Variants in AIFM1 observed in about 807,000 individuals in gnomAD.
AIFM1 encodes the protein apoptosis-inducing factor 1, mitochondrial.
In AIFM1, 3 loss-of-function variants were observed where a neutral mutation model predicts 51.7. The observed-to-expected ratio is 0.06, with a 90% CI of 0.03 to 0.15. The LOEUF is 0.15. Among genes scored for constraint, AIFM1 ranks in the 10% least tolerant of loss-of-function variants. The probability of loss-of-function intolerance (pLI) is 1.00; values close to 1 mark genes in which losing one functional copy is unlikely to be tolerated. For synonymous variants in AIFM1, 178 were observed against 179.4 expected, an observed-to-expected ratio of 0.99 and a Z score of 0.06; for missense variants, 330 against 476.8, an observed-to-expected ratio of 0.69 and a Z score of 2.87.
intron 3 of AIFM1, among the ~76,000 whole-genome samples, chrX:130,148,434 G>A (rs1018887580): frequency 8.9e-6 from 1 of 112,004 alleles, no homozygotes; most frequent in Non-Finnish European, 1.9e-5. Flanking sequence ...AAATGGAAGT[G>A]ATGGCTAGGG....
intron 9 of AIFM1, among the ~76,000 whole-genome samples, chrX:130,138,333 CAGGCGCCTGT>C (rs2030445821): frequency 9.1e-6 from 1 of 110,376 alleles, no homozygotes; most frequent in Non-Finnish European, 1.9e-5. Flanking sequence ...GGCGTGGTTA[CAGGCGCCTGT>C]AGTCCCAGCT....
At chrX:130,154,827 T>C (rs2031109204) in intron 2 of AIFM1, among the ~76,000 whole-genome samples, 1 of 112,814 alleles carries the variant, frequency 8.9e-6, no homozygotes, top group Non-Finnish European at 1.9e-5. Context: ...ACTCTGAGAC[T>C]GTCTTGTTAG....
rs1041915669 is a variant in AIFM1 at position 130,144,494 on chromosome X, A to G, written c.696+985T>C. On this transcript the variant is annotated intron_variant, in intron 6 of 15. Transcript: ENST00000287295. ...CTGCTTCTATTTCCTGGCACCAAAC[A>G]TGCTTTTTTGTGCCCTTGTGCTTTT... Among the ~76,000 whole-genome samples the G allele has an allele frequency of 2.7e-5, 3 of 111,196 alleles. 1 individual carries two copies. The South Asian group carries it at 1.1e-3, about 42-fold the overall frequency.
intron 12 of AIFM1, 117 bp from the exon 13 acceptor site, chrX:130,133,572 T>C (rs897204501): frequency 2.1e-6 from 2 of 934,801 alleles, no homozygotes; most frequent in Non-Finnish European, 3.0e-6. Context: ...ATTCATGTTT[T>C]CCATCTACAG....
At chrX:130,162,186 T>C (rs375217319) in intron 1 of AIFM1, among the ~76,000 whole-genome samples, 4 of 112,051 alleles carry the variant, frequency 3.6e-5, no homozygotes, top group African/African-American at 1.3e-4. Context: ...GTGTTTAATT[T>C]AGGAGAATGG....
chrX:130,138,940 G>A (rs759222308), intron 8 of AIFM1, among the ~76,000 whole-genome samples: 1 of 111,385 alleles, frequency 9.0e-6, no homozygotes, highest in South Asian at 3.8e-4. Context: ...AGGACATCTG[G>A]CAATATCTGA....
chrX:130,165,560 G>C lies in AIFM1; in HGVS notation c.97C>G (p.Arg33Gly). 8.4e-7 allele frequency: 1 copy of C among 1,193,357 alleles called. No individual in the cohort carries two copies. Among genetic ancestry groups the C allele is most frequent in the Non-Finnish European group, 1.1e-6 (1 of 885,330 alleles). The change falls in exon 1 of 16, where the codon CGG becomes GGG. Residue 33 changes from arginine (R) to glycine (G), a missense_variant. Physicochemically the swap from Arg to Gly is moderately radical, Grantham distance 125. Around this residue, in one of 4 missense-constraint regions of AIFM1, gnomAD observed 110 missense variants for 103.1 expected, o/e 1.07. Coordinates refer to ENST00000287295, the MANE Select transcript of AIFM1 (RefSeq NM_004208.4). ...GGAATGGGTCAGTCACCTGGGAGCC[G>C]GTTCCTCTGCCTCGGGCTTCGGACG... ...VCVRSPRQRN[R>G]LPGNLFQRWH...
intron 6 of AIFM1, among the ~76,000 whole-genome samples, chrX:130,141,139 C>A (rs2030564568): frequency 9.0e-6 from 1 of 111,482 alleles, no homozygotes; most frequent in African/African-American, 3.3e-5. Context: ...AACAAAAAAA[C>A]CCCAAAACCA....
chrX:130,153,729 G>A (rs1376762079), intron 2 of AIFM1, among the ~76,000 whole-genome samples: 1 of 110,973 alleles, frequency 9.0e-6, no homozygotes, highest in Admixed American at 9.6e-5. Context: ...CCCCCACCCC[G>A]CAAAACCATG....
intron 12 of AIFM1, among the ~76,000 whole-genome samples, chrX:130,134,983 A>G (rs1254255712): frequency 8.9e-6 from 1 of 111,869 alleles, no homozygotes; most frequent in Admixed American, 9.6e-5. Flanking sequence ...CATGCAAGGA[A>G]ACACAGGGAA....
At chrX:130,154,675 C>T (rs2031104904) in intron 2 of AIFM1, among the ~76,000 whole-genome samples, 2 of 111,975 alleles carry the variant, frequency 1.8e-5, no homozygotes, top group African/African-American at 6.5e-5. Context: ...TTTTGGATCT[C>T]CTCAGAAGCA....
chrX:130,161,346 A>G (rs1317567228), intron 1 of AIFM1, among the ~76,000 whole-genome samples: 1 of 109,159 alleles, frequency 9.2e-6, no homozygotes, highest in Non-Finnish European at 1.9e-5. Context: ...CCCCGTCTCC[A>G]CTAAAAATAC....
chrX:130,165,477 G>A (rs1381136590), intron 1 of AIFM1, 74 bp downstream of exon 1: 2 of 890,536 alleles, frequency 2.2e-6, no homozygotes, highest in African/African-American at 3.9e-5. Context: ...CGCGGGGGTA[G>A]AGGGCTGCAA....
intron 3 of AIFM1, among the ~76,000 whole-genome samples, chrX:130,149,174 G>A (rs780004816): frequency 2.7e-5 from 3 of 111,071 alleles, no homozygotes; most frequent in Non-Finnish European, 5.7e-5. Flanking sequence ...CGCACATCTC[G>A]GCCTCACAAA....
intron 10 of AIFM1, 52 bp from the exon 11 acceptor site, chrX:130,136,783 TG>T (rs1341205508): frequency 2.6e-6 from 3 of 1,149,840 alleles, no homozygotes; most frequent in East Asian, 6.0e-5. Context: ...ATCACTTTCA[TG>T]GGAAGTAGGA....
At chrX:130,142,181 G>T (rs186396236) in intron 6 of AIFM1, among the ~76,000 whole-genome samples, 107 of 112,168 alleles carry the variant, frequency 9.5e-4, no homozygotes, top group African/African-American at 3.4e-3. Flanking sequence ...TGACAAATGT[G>T]ATGTAAGTGG....
At chrX:130,131,849 C>G (rs200864688) in intron 13 of AIFM1, 50 bp from the exon 14 acceptor site, 1 of 1,193,110 alleles carries the variant, frequency 8.4e-7, no homozygotes, top group African/African-American at 1.7e-5. Flanking sequence ...AGGAATGACA[C>G]GGTAGCACAT....
At chrX:130,142,449 T>C (rs1201840816) in intron 6 of AIFM1, among the ~76,000 whole-genome samples, 2 of 111,346 alleles carry the variant, frequency 1.8e-5, no homozygotes, top group Non-Finnish European at 3.8e-5. Flanking sequence ...GATGTGATCT[T>C]CCATAGCTTC....
intron 2 of AIFM1, among the ~76,000 whole-genome samples, chrX:130,150,806 C>A (rs1738257197): frequency 9.7e-6 from 1 of 102,854 alleles, no homozygotes; most frequent in Non-Finnish European, 2.0e-5. Context: ...GAAACCCCAT[C>A]TCTACTAAAA....
Sources: gnomAD v4.1 joint callset for allele counts (sites outside exome capture counted in the v4.1 genomes callset) on GRCh38, gnomAD v4.1.1 for gene constraint, gnomAD v4.1.1 regional missense constraint, MANE v1.5 for transcripts, NCBI Gene and HGNC (gene_info 2026-07-23, HGNC 2026-07-21) for gene names.